Variants in TMEM230 observed in about 807,000 individuals in gnomAD.
The protein encoded by TMEM230 is transmembrane protein 230.
TMEM230 carries 10 observed loss-of-function variants against 15.8 expected under a neutral mutation model. The ratio of observed to expected loss-of-function variants is 0.63; its 90% CI spans 0.39 to 1.07. The LOEUF (loss-of-function observed/expected upper bound fraction) is 1.07. Among genes scored for constraint, TMEM230 ranks in the 50% least tolerant of loss-of-function variants. TMEM230 has a pLI of 0.01. For missense variants in TMEM230, 165 were observed against 193.3 expected (o/e 0.85, Z 0.87); for synonymous variants, 67 against 76.9 (o/e 0.87, Z 0.68).
At chr20:5,101,638 G>A (rs1253679540) in intron 4 of TMEM230, among the ~76,000 whole-genome samples, 1 of 152,048 alleles carries the variant, frequency 6.6e-6, no homozygotes, top group Non-Finnish European at 1.5e-5. Flanking sequence ...ATGTTGCCCA[G>A]GCTGGTCTCG....
At position 5,094,237 on chromosome 20, in the gene TMEM230, G is replaced by A. The variant is rs576699660; in HGVS notation, c.222+11951C>T. Among the ~76,000 whole-genome samples, 220 of 151,316 alleles carry A rather than the reference G, an allele frequency of 1.5e-3. 1 individual carries two copies. Among genetic ancestry groups the A allele is most frequent in the African/African-American group, 5.1e-3 (210 of 41,244 alleles). On this transcript the variant is annotated intron_variant, in intron 3 of 3. Coordinates refer to the TMEM230 transcript ENST00000612323. ...CTCCCAAAGTGCTGGGATTACAGGC[G>A]TGAGCCACCGTACCTGGCCTTTTTA... is the stretch of plus-strand genomic sequence containing the variant.
chr20:5,073,543 C>T (rs1005603839), intron 3 of TMEM230, among the ~76,000 whole-genome samples: 8 of 152,172 alleles, frequency 5.3e-5, no homozygotes, highest in South Asian at 4.1e-4. Flanking sequence ...ACTGTACAGG[C>T]GAGGCTGCCT....
intron 3 of TMEM230, among the ~76,000 whole-genome samples, chr20:5,081,865 TTTTTTTTC>T (rs1167901364): frequency 5.5e-5 from 2 of 36,134 alleles, no homozygotes; most frequent in African/African-American, 1.7e-4. Context: ...ACTGATTTTC[TTTTTTTTC>T]TTTTTTTTTT....
At chr20:5,083,285 A>ATTTT (rs71197748) in intron 3 of TMEM230, among the ~76,000 whole-genome samples, 158 of 119,904 alleles carry the variant, frequency 1.3e-3, no homozygotes, top group African/African-American at 5.0e-3. Context: ...GGTTAGGGAG[A>ATTTT]TTTTTTTTTT....
chr20:5,076,931 G>A (rs1199259253), intron 3 of TMEM230, among the ~76,000 whole-genome samples: 1 of 151,484 alleles, frequency 6.6e-6, no homozygotes, highest in Non-Finnish European at 1.5e-5. Flanking sequence ...ACCCACCTTG[G>A]CCTCTCAAAG....
rs2090072694 is a variant in TMEM230, at chr20:5,106,080, C to CGG, written c.411+107_411+108insCC. ...AAAACAGACCACTGGGACGGACAAA[C>CGG]ACACACACACACACACACACACACA... On this transcript the variant is annotated intron_variant, in intron 4 of 4. Transcript: ENST00000342308. 18 of 168,796 alleles carry CGG rather than the reference C, an allele frequency of 1.1e-4. 1 individual carries two copies. In the South Asian group the frequency reaches 1.8e-3, roughly 17 times the overall value. The allele number at this position is 168,796 out of a possible 1,614,324, so 10.5% of individuals were successfully genotyped here. A position where few individuals can be genotyped will look rare whatever the true frequency, so the allele number is the denominator to read the frequency against.
chr20:5,062,765 A>T, the TMEM230 span, among the ~76,000 whole-genome samples: 3 of 152,226 alleles, frequency 2.0e-5, no homozygotes, highest in African/African-American at 7.2e-5. Context: ...CCTGTCATAA[A>T]TAATAAATAA....
rs758119588 is a variant in TMEM230 at position 5,111,607 on chromosome 20, TAAAAAAAAAAAAAAAAAAA to T, written c.69-21_69-3del. 7.3e-4 allele frequency: 43 copies of T among 58,980 alleles called. No individual in the cohort carries two copies. The East Asian group carries it at 0.026, about 36-fold the overall frequency. 3.7% of individuals were successfully genotyped at this position (58,980 alleles called of 1,614,324 possible). A position where few individuals can be genotyped will look rare whatever the true frequency, so the allele number is the denominator to read the frequency against. On this transcript the variant is annotated splice_region_variant and splice_polypyrimidine_tract_variant and intron_variant, in intron 1 of 4. Coordinates refer to ENST00000342308, the MANE Select transcript of TMEM230 (RefSeq NM_001009923.2). ...CTGGGCGACAGAACTAGACTCCATC[TAAAAAAAAAAAAAAAAAAA>T]AAAAAAAAAAAAAAAAAAAAATTCA...
At chr20:5,095,822 C>T (rs990585589), downstream of TMEM230, among the ~76,000 whole-genome samples, 2 of 152,178 alleles carry the variant, frequency 1.3e-5, no homozygotes, top group African/African-American at 4.8e-5. Flanking sequence ...TTGATGCTGC[C>T]GGTCCACAGA....
downstream of TMEM230, chr20:5,068,477 C>T (rs1177085641): frequency 6.6e-6 from 1 of 152,386 alleles, no homozygotes; most frequent in Non-Finnish European, 1.5e-5. Flanking sequence ...GAAGCAGGCA[C>T]CTTCTTCACA....
At chr20:5,102,930 C>G (rs2089929015) in intron 4 of TMEM230, among the ~76,000 whole-genome samples, 1 of 152,194 alleles carries the variant, frequency 6.6e-6, no homozygotes, top group African/African-American at 2.4e-5. Flanking sequence ...GATCATTCAT[C>G]AGGACCAAGT....
intron 3 of TMEM230, among the ~76,000 whole-genome samples, chr20:5,084,932 G>A (rs1455145424): frequency 6.6e-6 from 1 of 152,206 alleles, no homozygotes; most frequent in African/African-American, 2.4e-5. Context: ...ATCCTCCAGA[G>A]TTAGCTGGTT....
downstream of TMEM230, among the ~76,000 whole-genome samples, chr20:5,096,223 T>C (rs2089661112): frequency 6.6e-6 from 1 of 152,276 alleles, no homozygotes; most frequent in Non-Finnish European, 1.5e-5. Context: ...TCCCAGGCTC[T>C]GCTCCCTGAA....
At chr20:5,098,645 G>C (rs1035144252), downstream of TMEM230, among the ~76,000 whole-genome samples, 1 of 152,162 alleles carries the variant, frequency 6.6e-6, no homozygotes, top group Non-Finnish European at 1.5e-5. Flanking sequence ...TTCCTCAGGG[G>C]ACTCTGGAGG....
chr20:5,095,046 G>T (rs995263319), downstream of TMEM230, among the ~76,000 whole-genome samples: 8 of 152,180 alleles, frequency 5.3e-5, no homozygotes, highest in South Asian at 2.1e-4. Context: ...CATTAGTTCA[G>T]CTGTGGGGCA....
Position 5,099,867 on chromosome 20 carries a change from T to C in TMEM230, c.*924A>G. On this transcript the variant is annotated 3_prime_UTR_variant, in exon 5 of 5. Coordinates refer to ENST00000342308, the MANE Select transcript of TMEM230 (RefSeq NM_001009923.2). ...TTCTGAAATGTTTGAAGTTAACTCATTTTATTTCTAGGATTTGGATTTCAA... is the reference window on the plus strand; with the variant it reads ...TTCTGAAATGTTTGAAGTTAACTCACTTTATTTCTAGGATTTGGATTTCAA... 1.0e-6 allele frequency: 1 copy of C among 972,354 alleles called. No homozygotes were observed. The highest frequency in any genetic ancestry group is 1.2e-6 in the Non-Finnish European group (1 of 817,954). The allele number at this position is 972,354 out of a possible 1,614,324, so 60.2% of individuals were successfully genotyped here.
chr20:5,069,321 T>C, exon 4 of TMEM230: 1 of 1,535,786 alleles, frequency 6.5e-7, no homozygotes, highest in Non-Finnish European at 8.7e-7. Context: ...GTCAGCTTTC[T>C]TTTGTTCCCG....
chr20:5,093,328 A>G (rs1156899398), intron 3 of TMEM230, among the ~76,000 whole-genome samples: 1 of 151,736 alleles, frequency 6.6e-6, no homozygotes, highest in African/African-American at 2.4e-5. Flanking sequence ...GCTCACTGCA[A>G]CCTCCACCTC....
rs2089807582 is a variant in TMEM230, at chr20:5,100,411, T to A, written c.*380A>T. Reference sequence around the variant, plus strand: ...GATATTTTTAAAATAAATTACTTAATAATAAGAAATTAGCCATACCACATT... The same window carrying A: ...GATATTTTTAAAATAAATTACTTAAAAATAAGAAATTAGCCATACCACATT... On this transcript the variant is annotated 3_prime_UTR_variant, in exon 5 of 5. Transcript: ENST00000342308. The A allele has an allele frequency of 1.0e-6, 1 of 994,372 alleles. No homozygotes were observed. Among genetic ancestry groups the A allele is most frequent in the Admixed American group, 5.8e-5 (1 of 17,226 alleles). 61.6% of individuals were successfully genotyped at this position (994,372 alleles called of 1,614,324 possible). A position where few individuals can be genotyped will look rare whatever the true frequency, so the allele number is the denominator to read the frequency against.
Sources: allele counts gnomAD v4.1 joint callset (sites outside exome capture counted in the v4.1 genomes callset), GRCh38; gene constraint gnomAD v4.1.1; transcripts MANE v1.5; gene names NCBI Gene and HGNC (gene_info 2026-07-23, HGNC 2026-07-21).